The following JAKMIP2 variants were observed in gnomAD, a reference collection of about 807,000 sequenced individuals.
JAKMIP2 encodes janus kinase and microtubule-interacting protein 2.
JAKMIP2 carries 25 observed loss-of-function variants against 115.0 expected under a neutral mutation model. That is an observed-to-expected ratio of 0.22 (90% CI 0.16 to 0.30). The LOEUF is 0.30. JAKMIP2 is among the 10% of genes least tolerant of loss of function. The pLI is 1.00. For missense variants in JAKMIP2, 642 were observed against 957.6 expected (o/e 0.67, Z 4.35); for synonymous variants, 334 against 343.6 (o/e 0.97, Z 0.31).
At chr5:147,678,542 G>T (rs1760094280) in intron 1 of JAKMIP2, among the ~76,000 whole-genome samples, 2 of 152,096 alleles carry the variant, frequency 1.3e-5, no homozygotes, top group African/African-American at 4.8e-5. Flanking sequence ...GGATACTGAG[G>T]TTGATTTCAT....
chr5:147,670,449 T>C (rs1447191231), intron 2 of JAKMIP2, among the ~76,000 whole-genome samples: 2 of 152,208 alleles, frequency 1.3e-5, no homozygotes, highest in African/African-American at 4.8e-5. Context: ...AAACATCTTA[T>C]GAATGCTGGA....
Position 147,661,211 on chromosome 5 carries a change from G to A in JAKMIP2, c.364C>T (p.Arg122Cys), listed in dbSNP as rs749725261. 1 of 1,613,954 alleles carries A rather than the reference G, an allele frequency of 6.2e-7. No homozygotes were observed. Among genetic ancestry groups the A allele is most frequent in the Non-Finnish European group, 8.5e-7 (1 of 1,180,008 alleles). Residue 122 changes from arginine (R) to cysteine (C), a missense_variant, in exon 3 of 22, where the codon CGC (arginine) becomes TGC (cysteine). Around this residue, in one of 6 missense-constraint regions of JAKMIP2, gnomAD observed 439 missense variants for 570.9 expected, o/e 0.77. Coordinates refer to ENST00000616793, the MANE Select transcript of JAKMIP2 (RefSeq NM_001270941.2). ...CTTACTTTGTCACTGCTGCCGTCGC[G>A]GAGAGCACAGAGAGCAGACTTGAGC... ...QRLKSALCALRDGSSDKVRTA... is the reference protein window; with the variant it reads ...QRLKSALCALCDGSSDKVRTA...
At chr5:147,739,617 G>C (rs28661528) in intron 1 of JAKMIP2, among the ~76,000 whole-genome samples, 2,727 of 152,188 alleles carry the variant, frequency 0.018, 89 homozygotes, top group African/African-American at 0.061. Context: ...GTAGGCAACA[G>C]AAGCTTCACA....
Position 147,587,533 on chromosome 5 carries a change from G to T in JAKMIP2, c.*4174C>A, listed in dbSNP as rs1021049480. On this transcript the variant is annotated 3_prime_UTR_variant, in exon 22 of 22. Transcript: ENST00000616793. Reference sequence around the variant, plus strand: ...AATTTCTATGCTGTCCATCTATCTTGATGTAATATAACACAGATGATCCAA... The same window carrying T: ...AATTTCTATGCTGTCCATCTATCTTTATGTAATATAACACAGATGATCCAA... 1 of 151,850 alleles carries T rather than the reference G, an allele frequency of 6.6e-6. No homozygotes were observed. Among genetic ancestry groups the T allele is most frequent in the African/African-American group, 2.4e-5 (1 of 41,308 alleles). 9.4% of individuals were successfully genotyped at this position (151,850 alleles called of 1,614,324 possible).
At chr5:147,592,298 G>A (rs1354573435) in intron 21 of JAKMIP2, among the ~76,000 whole-genome samples, 1 of 152,112 alleles carries the variant, frequency 6.6e-6, no homozygotes, top group East Asian at 1.9e-4. Context: ...TTAATTCTAT[G>A]TCACATTTCC....
chr5:147,751,239 G>A (rs1754542213), intron 1 of JAKMIP2, among the ~76,000 whole-genome samples: 1 of 147,492 alleles, frequency 6.8e-6, no homozygotes, highest in African/African-American at 2.6e-5. Context: ...GCCCGGCTAA[G>A]TTGTTTTTTT....
chr5:147,751,255 T>TG (rs1324498166), intron 1 of JAKMIP2, among the ~76,000 whole-genome samples: 8 of 133,692 alleles, frequency 6.0e-5, no homozygotes, highest in Non-Finnish European at 1.1e-4. Context: ...TTTTTGTTGT[T>TG]GTTTTTTTTT....
At chr5:147,688,482 A>C (rs999565219) in intron 1 of JAKMIP2, among the ~76,000 whole-genome samples, 2 of 152,216 alleles carry the variant, frequency 1.3e-5, no homozygotes, top group African/African-American at 4.8e-5. Context: ...AAAACTTCTT[A>C]TGATGTTGCA....
chr5:147,676,069 C>T (rs1409089289), intron 1 of JAKMIP2, among the ~76,000 whole-genome samples: 1 of 152,140 alleles, frequency 6.6e-6, no homozygotes, highest in Non-Finnish European at 1.5e-5. Context: ...TGCGGTGGCT[C>T]ACGCCTGCAA....
intron 1 of JAKMIP2, among the ~76,000 whole-genome samples, chr5:147,692,221 T>C (rs1250388534): frequency 6.6e-6 from 1 of 152,096 alleles, no homozygotes; most frequent in Non-Finnish European, 1.5e-5. Flanking sequence ...AAGGCAGAGA[T>C]TGGGGCATTG....
At chr5:147,627,751 T>C (rs1757169420) in intron 16 of JAKMIP2, among the ~76,000 whole-genome samples, 1 of 151,728 alleles carries the variant, frequency 6.6e-6, no homozygotes, top group Admixed American at 6.6e-5. Flanking sequence ...TTAATTACTT[T>C]TGTCATCTGA....
At chr5:147,752,886 G>A (rs746754539) in intron 1 of JAKMIP2, among the ~76,000 whole-genome samples, 1 of 152,150 alleles carries the variant, frequency 6.6e-6, no homozygotes, top group African/African-American at 2.4e-5. Context: ...GGGAGTTCTG[G>A]GGGAGGGGCA....
chr5:147,651,874 G>A (rs1432832293), intron 3 of JAKMIP2, among the ~76,000 whole-genome samples: 4 of 152,182 alleles, frequency 2.6e-5, no homozygotes, highest in Non-Finnish European at 4.4e-5. Flanking sequence ...TGAGACCTGT[G>A]TTTTTCTTAA....
At chr5:147,748,105 T>C (rs924654060) in intron 1 of JAKMIP2, among the ~76,000 whole-genome samples, 1 of 152,238 alleles carries the variant, frequency 6.6e-6, no homozygotes, top group African/African-American at 2.4e-5. Flanking sequence ...GATAAAAGTA[T>C]AACATAATGT....
intron 10 of JAKMIP2, among the ~76,000 whole-genome samples, chr5:147,637,386 A>T: frequency 6.8e-6 from 1 of 146,096 alleles, no homozygotes; most frequent in African/African-American, 2.5e-5. Context: ...TATTTGAATG[A>T]TTTCTCTTTC....
chr5:147,676,898 T>C (rs1294777304), intron 1 of JAKMIP2, among the ~76,000 whole-genome samples: 1 of 152,242 alleles, frequency 6.6e-6, no homozygotes, highest in East Asian at 1.9e-4. Context: ...GAGGGCTTCC[T>C]GAATCTTTGG....
At chr5:147,702,672 A>AAGAAAG (rs1752418977) in intron 1 of JAKMIP2, among the ~76,000 whole-genome samples, 4 of 123,086 alleles carry the variant, frequency 3.2e-5, no homozygotes, top group Admixed American at 1.9e-4. Context: ...AAGAGAGAGA[A>AAGAAAG]AGAAAGAGAA....
At chr5:147,703,287 C>T (rs1455213076) in intron 1 of JAKMIP2, among the ~76,000 whole-genome samples, 3 of 152,092 alleles carry the variant, frequency 2.0e-5, no homozygotes, top group Admixed American at 6.6e-5. Context: ...ATGGGTACAG[C>T]ATGCAACTGT....
intron 1 of JAKMIP2, among the ~76,000 whole-genome samples, chr5:147,679,804 C>G (rs995788307): frequency 2.6e-5 from 4 of 152,150 alleles, no homozygotes; most frequent in Non-Finnish European, 5.9e-5. Context: ...AGCGGCTTAG[C>G]TATAATAACA....
Sources: gnomAD v4.1 joint callset for allele counts (sites outside exome capture counted in the v4.1 genomes callset) on GRCh38, gnomAD v4.1.1 for gene constraint, gnomAD v4.1.1 regional missense constraint, MANE v1.5 for transcripts, NCBI Gene and HGNC (gene_info 2026-07-23, HGNC 2026-07-21) for gene names.